TACC2: variants seen among roughly 807,000 people sequenced by gnomAD.
The protein encoded by TACC2 is transforming acidic coiled-coil-containing protein 2.
In TACC2, 137 loss-of-function variants were observed where a neutral mutation model predicts 227.3. The ratio of observed to expected loss-of-function variants is 0.60; its 90% CI spans 0.52 to 0.69. The LOEUF is 0.69. TACC2 is among the 30% of genes least tolerant of loss of function. The pLI, the probability that TACC2 is intolerant of heterozygous loss-of-function variation, is 0.00. For missense variants in TACC2, 3,470 were observed against 3,694.4 expected (o/e 0.94, Z 1.57); for synonymous variants, 1,523 against 1,487.5 (o/e 1.02, Z -0.55).
rs201768336 is a variant in TACC2, at chr10:122,084,641, T to G, written c.2141T>G (p.Leu714Arg). ...REGLGRMESF[L>R]TLESEKSDFP... The stretch of plus-strand genomic sequence containing the variant: ...GGATTGGGAAGAATGGAGTCTTTCC[T>G]GACTTTAGAATCAGAGAAATCAGAT... Residue 714 changes from leucine (L) to arginine (R), a missense_variant, in exon 4 of 23, where the codon CTG becomes CGG. Physicochemically the swap from Leu to Arg is moderately radical, Grantham distance 102. Transcript: ENST00000369005. 1 of 1,613,804 alleles carries G rather than the reference T, an allele frequency of 6.2e-7. No individual in the cohort carries two copies. Among genetic ancestry groups the G allele is most frequent in the African/African-American group, 1.3e-5 (1 of 75,064 alleles).
rs150307332 is a variant in TACC2 at position 122,103,386 on chromosome 10, C to T, written c.5573+14795C>T. On this transcript the variant is annotated intron_variant, in intron 5 of 22. Transcript: ENST00000369005. ...TTCCTCCATTGCCAGCTAAGGACAA[C>T]AGCAGTACCTGCTGCATAGGCTCAT... Among the ~76,000 whole-genome samples the T allele has an allele frequency of 2.5e-3, 382 of 152,318 alleles. 2 individuals are homozygous for T. Among genetic ancestry groups the T allele is most frequent in the African/African-American group, 8.8e-3 (365 of 41,558 alleles).
chr10:122,132,054 AAGAAAGAAAGAAAAAGAAAG>A (rs1301220854), intron 5 of TACC2, among the ~76,000 whole-genome samples: 3 of 1,386 alleles, frequency 2.2e-3, no homozygotes, highest in African/African-American at 4.0e-3. Flanking sequence ...GAAAGAAAGA[AAGAAAGAAAGAAAAAGAAAG>A]AAAGAAAGAG....
Position 122,227,993 on chromosome 10 carries a change from A to G in TACC2, c.7881A>G (p.Ser2627=). Residue 2627 remains serine, a synonymous_variant, in exon 14 of 23, where the codon TCA becomes TCG. Coordinates refer to ENST00000369005, the MANE Select transcript of TACC2 (RefSeq NM_206862.4). The part of the protein sequence containing the change: ...ELEAMGLGTP[S]EAIEITAPEG... ...AGGCCATGGGCTTGGGCACCCCTTCAGAAGCGATTGAAATTGTAAGTGGAG... is the reference window on the plus strand; with the variant it reads ...AGGCCATGGGCTTGGGCACCCCTTCGGAAGCGATTGAAATTGTAAGTGGAG... 3 of 1,613,224 alleles carry G rather than the reference A, an allele frequency of 1.9e-6. 1 individual carries two copies. Among genetic ancestry groups the G allele is most frequent in the South Asian group, 2.2e-5 (2 of 91,022 alleles).
chr10:122,217,283 GC>G (rs1327935658), intron 11 of TACC2, among the ~76,000 whole-genome samples: 1 of 151,952 alleles, frequency 6.6e-6, no homozygotes, highest in East Asian at 1.9e-4. Flanking sequence ...TTTTAATGAA[GC>G]CTCAAACCAG....
At chr10:122,208,723 C>A (rs1208642737) in intron 8 of TACC2, among the ~76,000 whole-genome samples, 2 of 152,184 alleles carry the variant, frequency 1.3e-5, no homozygotes, top group Non-Finnish European at 2.9e-5. Context: ...GCAACCATGC[C>A]GGTGGCAGAA....
At chr10:122,073,433 C>T (rs1382185330) in intron 3 of TACC2, among the ~76,000 whole-genome samples, 1 of 152,054 alleles carries the variant, frequency 6.6e-6, no homozygotes, top group Non-Finnish European at 1.5e-5. Context: ...GCAGATCCCA[C>T]CTGGGAGAGG....
At chr10:122,055,167 C>T (rs2136282466) in intron 3 of TACC2, among the ~76,000 whole-genome samples, 1 of 152,090 alleles carries the variant, frequency 6.6e-6, no homozygotes, top group South Asian at 2.1e-4. Flanking sequence ...TTGCAGTGAG[C>T]TGAGATTGCA....
At chr10:122,203,886 G>C (rs1404292793) in intron 8 of TACC2, among the ~76,000 whole-genome samples, 19 of 152,192 alleles carry the variant, frequency 1.2e-4, no homozygotes, top group Non-Finnish European at 2.2e-4. Flanking sequence ...CTGAGTGAAC[G>C]AGACTCCGTC....
chr10:122,207,912 TGCCA>T lies in TACC2; in HGVS notation c.5972-2484_5972-2481del, dbSNP rs769691342. On this transcript the variant is annotated intron_variant, in intron 8 of 22. Coordinates refer to ENST00000369005, the MANE Select transcript of TACC2 (RefSeq NM_206862.4). ...ATAGGCTGAGGCTCGTGCTTCCTCCTGCCAAGGCCCATTTGAAAGCACCTGGTCC... is the reference window on the plus strand; with the variant it reads ...ATAGGCTGAGGCTCGTGCTTCCTCCTAGGCCCATTTGAAAGCACCTGGTCC... Among the ~76,000 whole-genome samples the T allele has an allele frequency of 3.3e-3, 499 of 152,260 alleles. 1 individual carries two copies. The highest frequency in any genetic ancestry group is 4.8e-3 in the Non-Finnish European group (328 of 68,022).
In TACC2 at chr10:122,125,929, A is replaced by C. The variant is rs529923561; in HGVS notation, c.5574-6680A>C. 2.0e-5 allele frequency among the ~76,000 whole-genome samples: 3 copies of C among 152,094 alleles called. No individual in the cohort carries two copies. The East Asian group carries it at 5.8e-4, about 29-fold the overall frequency. ...GTAGCTGGGACTACAGGTGCGCGCC[A>C]CCGCACCCAACTAATTTTTTTGTAT... On this transcript the variant is annotated intron_variant, in intron 5 of 22. Transcript: ENST00000369005.
At chr10:122,095,594 G>T (rs760639699) in intron 5 of TACC2, among the ~76,000 whole-genome samples, 1 of 152,192 alleles carries the variant, frequency 6.6e-6, no homozygotes, top group South Asian at 2.1e-4. Flanking sequence ...TGGTGACATG[G>T]CTTGGTCAAG....
At chr10:121,997,198 A>C (rs929652278) in intron 1 of TACC2, among the ~76,000 whole-genome samples, 2 of 152,142 alleles carry the variant, frequency 1.3e-5, no homozygotes, top group African/African-American at 4.8e-5. Context: ...AAGAAACAGA[A>C]ACCCACCCGA....
intron 6 of TACC2, among the ~76,000 whole-genome samples, chr10:122,135,404 G>A (rs1223759343): frequency 1.3e-5 from 2 of 152,196 alleles, no homozygotes; most frequent in South Asian, 2.1e-4. Flanking sequence ...CTGAGAACTC[G>A]GCCAGTTTCA....
intron 3 of TACC2, among the ~76,000 whole-genome samples, chr10:122,056,237 C>T (rs192069438): frequency 2.0e-5 from 3 of 152,268 alleles, no homozygotes; most frequent in East Asian, 1.9e-4. Flanking sequence ...TGTAATGGTG[C>T]GATCTCAGCT....
intron 9 of TACC2, among the ~76,000 whole-genome samples, chr10:122,214,617 A>G (rs1396794846): frequency 6.6e-6 from 1 of 152,166 alleles, no homozygotes; most frequent in East Asian, 1.9e-4. Flanking sequence ...TGCTCGGTGG[A>G]CTTAATGGAA....
At chr10:122,009,960 G>A (rs549780696) in intron 1 of TACC2, among the ~76,000 whole-genome samples, 3 of 152,188 alleles carry the variant, frequency 2.0e-5, no homozygotes, top group South Asian at 4.2e-4. Context: ...GTTTTAAAAA[G>A]CTATTTTTAA....
chr10:122,228,628 C>T (rs562598566), intron 14 of TACC2, among the ~76,000 whole-genome samples: 2 of 152,282 alleles, frequency 1.3e-5, no homozygotes, highest in African/African-American at 4.8e-5. Context: ...TCCTCTACCT[C>T]CCGCCCAGCA....
At chr10:122,060,710 A>T (rs952760595) in intron 3 of TACC2, among the ~76,000 whole-genome samples, 3 of 152,194 alleles carry the variant, frequency 2.0e-5, no homozygotes, top group African/African-American at 7.2e-5. Flanking sequence ...CTTTAGAAGG[A>T]AAAAGAAAAA....
chr10:122,183,676 C>T (rs550294211), intron 7 of TACC2, among the ~76,000 whole-genome samples: 6 of 152,284 alleles, frequency 3.9e-5, no homozygotes, highest in Admixed American at 3.3e-4. Flanking sequence ...AGAGGTTGCT[C>T]TGGGAAACTG....
Sources: allele counts gnomAD v4.1 joint callset (sites outside exome capture counted in the v4.1 genomes callset), GRCh38; gene constraint gnomAD v4.1.1; transcripts MANE v1.5; gene names NCBI Gene and HGNC (gene_info 2026-07-23, HGNC 2026-07-21).